PM20D2: variants seen among roughly 807,000 people sequenced by gnomAD.
The protein encoded by PM20D2 is peptidase M20 domain containing 2, also known as xaa-Arg dipeptidase.
A neutral mutation model predicts 42.9 loss-of-function variants in PM20D2; 33 were observed. That is an observed-to-expected ratio of 0.77 (90% CI 0.58 to 1.03). The LOEUF is 1.03. Among genes scored for constraint, PM20D2 ranks in the 50% least tolerant of loss-of-function variants. The pLI, the probability that PM20D2 is intolerant of heterozygous loss-of-function variation, is 0.00. For missense variants in PM20D2, 548 were observed against 557.0 expected (o/e 0.98, Z 0.16); for synonymous variants, 250 against 228.2 (o/e 1.10, Z -0.86).
intron 1 of PM20D2, 113 bp from the exon 2 acceptor site, chr6:89,149,152 T>A: frequency 7.6e-7 from 1 of 1,319,488 alleles, no homozygotes; most frequent in South Asian, 1.5e-5. Flanking sequence ...AAAACCTGTC[T>A]TAATAGGTTA....
At chr6:89,128,711 C>A in the PM20D2 span, among the ~76,000 whole-genome samples, 1 of 152,148 alleles carries the variant, frequency 6.6e-6, no homozygotes, top group African/African-American at 2.4e-5. Flanking sequence ...GCATCATGGT[C>A]CCACCAATAT....
At chr6:89,137,729 A>T in the PM20D2 span, among the ~76,000 whole-genome samples, 3 of 152,238 alleles carry the variant, frequency 2.0e-5, no homozygotes, top group Non-Finnish European at 4.4e-5. Flanking sequence ...TATTTAGACC[A>T]GACTACAGCA....
chr6:89,099,426 G>GTGTATATATATACACACATATATATATA, the PM20D2 span, among the ~76,000 whole-genome samples: 1 of 140,226 alleles, frequency 7.1e-6, no homozygotes, highest in Non-Finnish European at 1.5e-5. Context: ...ATATATATAT[G>GTGTATATATATACACACATATATATATA]TGTGTATATA....
chr6:89,160,946 G>A (rs1345602099), intron 5 of PM20D2, among the ~76,000 whole-genome samples: 4 of 151,942 alleles, frequency 2.6e-5, no homozygotes, highest in Non-Finnish European at 5.9e-5. Flanking sequence ...AGAGTAGTGG[G>A]AACATGGTAT....
At chr6:89,135,699 C>T in the PM20D2 span, among the ~76,000 whole-genome samples, 7 of 151,218 alleles carry the variant, frequency 4.6e-5, 1 homozygote, top group Non-Finnish European at 1.5e-5. Context: ...CAATTTTGTA[C>T]CATTCCCATT....
upstream of PM20D2, among the ~76,000 whole-genome samples, chr6:89,141,954 C>T (rs1770324990): frequency 9.2e-6 from 1 of 108,922 alleles, no homozygotes; most frequent in South Asian, 2.8e-4. Context: ...CAAATGTGTG[C>T]CACCATGCTT....
chr6:89,095,809 CAA>C, the PM20D2 span: 4 of 152,310 alleles, frequency 2.6e-5, no homozygotes, highest in East Asian at 5.8e-4. Flanking sequence ...GGGGAGAAAG[CAA>C]GCAAGCCGCT....
chr6:89,111,388 CTAAG>C, the PM20D2 span, among the ~76,000 whole-genome samples: 2 of 152,088 alleles, frequency 1.3e-5, no homozygotes, highest in African/African-American at 4.8e-5. Context: ...AACTGTTTTC[CTAAG>C]TAAGTATGCC....
the PM20D2 span, chr6:89,097,066 C>T: frequency 4.6e-5 from 7 of 152,004 alleles, no homozygotes; most frequent in African/African-American, 1.7e-4. Flanking sequence ...TACCAGCATA[C>T]AAATTATTGT....
At chr6:89,145,920 A>G (rs1379472114), upstream of PM20D2, 1 of 397,478 alleles carries the variant, frequency 2.5e-6, no homozygotes, top group Non-Finnish European at 4.4e-6. Context: ...GCACCCCCAA[A>G]ACCCCACGGC....
chr6:89,116,211 G>A, the PM20D2 span, among the ~76,000 whole-genome samples: 2 of 152,112 alleles, frequency 1.3e-5, no homozygotes, highest in South Asian at 2.1e-4. Flanking sequence ...ATATTACCCC[G>A]GCTGGCCCCT....
intron 1 of PM20D2, among the ~76,000 whole-genome samples, chr6:89,147,995 T>C (rs1770664297): frequency 6.7e-6 from 1 of 148,496 alleles, no homozygotes; most frequent in Non-Finnish European, 1.5e-5. Context: ...TTTTTTTTTT[T>C]TTTTTTGAGA....
At chr6:89,142,211 T>C (rs1235294468), upstream of PM20D2, among the ~76,000 whole-genome samples, 4 of 152,194 alleles carry the variant, frequency 2.6e-5, no homozygotes, top group African/African-American at 9.7e-5. Context: ...CCTACTCTCT[T>C]AGTTGTCTGC....
chr6:89,161,669 C>G, intron 5 of PM20D2, 114 bp from the exon 6 acceptor site: 1 of 781,064 alleles, frequency 1.3e-6, no homozygotes, highest in Non-Finnish European at 2.2e-6. Context: ...ACGGACAACT[C>G]TCCAAGAAGC....
chr6:89,146,221 G>C lies in PM20D2; in HGVS notation c.77G>C (p.Arg26Pro). The C allele has an allele frequency of 6.3e-7, 1 of 1,576,036 alleles. No homozygotes were observed. The highest frequency in any genetic ancestry group is 8.6e-7 in the Non-Finnish European group (1 of 1,169,116). ...GRSELELLKL[R>P]SAECIDEAAE... ...TCCGAGCTGGAGCTACTGAAGCTGC[G>C]CTCGGCGGAGTGCATCGACGAGGCG... Residue 26 changes from arginine to proline, a missense_variant, in exon 1 of 7, where the codon CGC becomes CCC. Around this residue, in one of 3 missense-constraint regions of PM20D2, gnomAD observed 470 missense variants for 464.4 expected, o/e 1.01. Coordinates refer to ENST00000275072, the MANE Select transcript of PM20D2 (RefSeq NM_001010853.3).
chr6:89,102,096 C>G, the PM20D2 span, among the ~76,000 whole-genome samples: 1 of 151,548 alleles, frequency 6.6e-6, no homozygotes, highest in African/African-American at 2.4e-5. Context: ...ATTTAAAAAG[C>G]TTTCTTTGGA....
At position 89,161,835 on chromosome 6, in the gene PM20D2, T is replaced by A; in HGVS notation, c.1101T>A (p.Tyr367Ter). 6.2e-7 allele frequency: 1 copy of A among 1,613,874 alleles called. No individual in the cohort carries two copies. The highest frequency in any genetic ancestry group is 8.5e-7 in the Non-Finnish European group (1 of 1,179,696). The change falls in exon 6 of 7, where the codon TAT becomes TAA. Residue 367 changes from tyrosine to a stop codon, truncating the protein, a stop_gained. Coordinates refer to ENST00000275072, the MANE Select transcript of PM20D2 (RefSeq NM_001010853.3). LOFTEE classifies it high-confidence loss of function. Reference protein sequence around the residue: ...VSFVVPGIHPYFHIGSNALNH... With the variant: ...VSFVVPGIHP ...TTGTGGTTCCTGGAATTCATCCATA[T>A]TTTCACATTGGATCTAATGCCTTGA...
the PM20D2 span, among the ~76,000 whole-genome samples, chr6:89,104,100 G>A: frequency 1.4e-5 from 2 of 144,668 alleles, no homozygotes; most frequent in African/African-American, 5.2e-5. Context: ...GCCTCCCAAA[G>A]TGCTGAGATT....
intron 5 of PM20D2, among the ~76,000 whole-genome samples, chr6:89,160,910 G>A (rs1268565966): frequency 2.0e-5 from 3 of 152,156 alleles, no homozygotes; most frequent in African/African-American, 7.2e-5. Flanking sequence ...AGAGCATGGT[G>A]AGTGTCTAGA....
Sources: gnomAD v4.1 joint callset for allele counts (sites outside exome capture counted in the v4.1 genomes callset) on GRCh38, gnomAD v4.1.1 for gene constraint, gnomAD v4.1.1 regional missense constraint, MANE v1.5 for transcripts, NCBI Gene and HGNC (gene_info 2026-07-23, HGNC 2026-07-21) for gene names.